Variants in GNPDA2 observed in about 807,000 individuals in gnomAD.
The protein encoded by GNPDA2 is glcN6P deaminase 2.
Under a neutral mutation model 27.0 loss-of-function variants are expected in GNPDA2, and 24 were observed. The observed-to-expected ratio is 0.89, with a 90% CI of 0.64 to 1.25. The LOEUF is 1.25. GNPDA2 is among the 50% of genes most tolerant of loss of function. GNPDA2 has a pLI of 0.00. For synonymous variants in GNPDA2, 94 were observed against 108.4 expected (o/e 0.87, Z 0.83); for missense variants, 286 against 335.1 (o/e 0.85, Z 1.14).
At position 44,702,627 on chromosome 4, in the gene GNPDA2, CA is replaced by C. The variant is rs539463910; in HGVS notation, c.*453del. The C allele has an allele frequency of 3.1e-3, 3,096 of 1,004,154 alleles. 7 individuals carry two copies. Among genetic ancestry groups the C allele is most frequent in the Non-Finnish European group, 3.5e-3 (2,938 of 843,042 alleles). 62.2% of individuals were successfully genotyped at this position (1,004,154 alleles called of 1,614,324 possible). On this transcript the variant is annotated 3_prime_UTR_variant, in exon 7 of 7. Coordinates refer to ENST00000295448, the MANE Select transcript of GNPDA2 (RefSeq NM_138335.3). ...ACTAAGGCAACCACGTGCAGAAAAG[CA>C]TGTGTGTGATGCACAGAAAATATAA...
chr4:44,703,038 A>AT lies in GNPDA2; in HGVS notation c.*42_*43insA. 3 of 1,606,006 alleles carry AT rather than the reference A, an allele frequency of 1.9e-6. No individual in the cohort carries two copies. Among genetic ancestry groups the AT allele is most frequent in the Non-Finnish European group, 2.5e-6 (3 of 1,177,562 alleles). ...TGAAAATTCATCTACTACTTAGTAAAAAGTGCTCTGTTCATTCAAGCTGAA... is the reference window on the plus strand; with the variant it reads ...TGAAAATTCATCTACTACTTAGTAAATAAGTGCTCTGTTCATTCAAGCTGAA... On this transcript the variant is annotated 3_prime_UTR_variant, in exon 7 of 7. Transcript: ENST00000295448.
chr4:44,720,008 C>T, intron 2 of GNPDA2, among the ~76,000 whole-genome samples: 1 of 151,788 alleles, frequency 6.6e-6, no homozygotes, highest in Non-Finnish European at 1.5e-5. Flanking sequence ...TATTGCAGAA[C>T]ATCAAATAAA....
chr4:44,709,613 A>C lies in GNPDA2; in HGVS notation c.594+1340T>G, dbSNP rs190551839. On this transcript the variant is annotated intron_variant, in intron 5 of 6. Coordinates refer to ENST00000295448, the MANE Select transcript of GNPDA2 (RefSeq NM_138335.3). ...ATAACACTATTTTAAAAGGTTATGA[A>C]ATAAGCTAATTTTAAAGAATAATCA... Among the ~76,000 whole-genome samples the C allele has an allele frequency of 7.1e-4, 108 of 152,228 alleles. 1 individual carries two copies. The highest frequency in any genetic ancestry group is 6.9e-3 in the Admixed American group (105 of 15,268).
intron 3 of GNPDA2, 151 bp downstream of exon 3, chr4:44,718,158 A>G (rs1204922195): frequency 1.0e-5 from 4 of 385,292 alleles, no homozygotes; most frequent in Non-Finnish European, 1.4e-5. Context: ...TCCCAATCTC[A>G]TCTGAAAGCA....
chr4:44,705,241 A>G (rs1716518531), intron 6 of GNPDA2: 4 of 980,648 alleles, frequency 4.1e-6, no homozygotes, highest in African/African-American at 1.7e-5. Flanking sequence ...TAGTAACTCA[A>G]TGGAGGTATG....
At chr4:44,718,523 TATTAGGCA>T in intron 2 of GNPDA2, 113 bp from the exon 3 acceptor site, 1 of 384,118 alleles carries the variant, frequency 2.6e-6, no homozygotes, top group Non-Finnish European at 4.8e-6. Flanking sequence ...AGTTCTGATT[TATTAGGCA>T]ATTATTAACT....
At chr4:44,721,795 A>C (rs1163129050) in intron 2 of GNPDA2, among the ~76,000 whole-genome samples, 1 of 152,132 alleles carries the variant, frequency 6.6e-6, no homozygotes, top group Non-Finnish European at 1.5e-5. Context: ...CCCCAAAACA[A>C]AGGACTACTA....
intron 4 of GNPDA2, 22 bp from the exon 5 acceptor site, chr4:44,711,159 C>T: frequency 1.4e-6 from 2 of 1,439,072 alleles, no homozygotes; most frequent in Middle Eastern, 1.9e-4. Flanking sequence ...AATATACATA[C>T]ATATACACAT....
At position 44,707,811 on chromosome 4, in the gene GNPDA2, A is replaced by G. The variant is rs1156535525; in HGVS notation, c.710T>C (p.Phe237Ser). Residue 237 changes from phenylalanine to serine, a missense_variant, in exon 6 of 7, where the codon TTT becomes TCT. By Grantham distance (155) the Phe-to-Ser change is radical (BLOSUM62 -2). Coordinates refer to ENST00000295448, the MANE Select transcript of GNPDA2 (RefSeq NM_138335.3). ...SAFQQHPRTI[F>S]VCDEDATLEL... ...TAAAGTAGCATCTTCATCGCATACA[A>G]AAATAGTCCGGGGATGCTGCTGGAA... is the stretch of plus-strand genomic sequence containing the variant. 1 of 1,613,450 alleles carries G rather than the reference A, an allele frequency of 6.2e-7. No individual in the cohort carries two copies. The highest frequency in any genetic ancestry group is 8.5e-7 in the Non-Finnish European group (1 of 1,179,626).
At position 44,702,138 on chromosome 4, in the gene GNPDA2, C is replaced by G; in HGVS notation, c.*943G>C. On this transcript the variant is annotated 3_prime_UTR_variant, in exon 7 of 7. Coordinates refer to ENST00000295448, the MANE Select transcript of GNPDA2 (RefSeq NM_138335.3). ...ATGCATGTATTCTTCAGGTTCACTT[C>G]TGGAAATTTAGATAACTTATTTATT... The G allele has an allele frequency of 2.1e-6, 2 of 945,082 alleles. No individual in the cohort carries two copies. Among genetic ancestry groups the G allele is most frequent in the Non-Finnish European group, 1.3e-6 (1 of 792,896 alleles). 58.5% of individuals were successfully genotyped at this position (945,082 alleles called of 1,614,324 possible). A position where few individuals can be genotyped will look rare whatever the true frequency, so the allele number is the denominator to read the frequency against.
intron 6 of GNPDA2, chr4:44,704,881 G>T: frequency 1.0e-6 from 1 of 983,288 alleles, no homozygotes; most frequent in Non-Finnish European, 1.2e-6. Flanking sequence ...TGATGATGAT[G>T]TCATATACTA....
At chr4:44,710,852 TAGA>T (rs1259865128) in intron 5 of GNPDA2, 98 bp downstream of exon 5, 2 of 979,626 alleles carry the variant, frequency 2.0e-6, no homozygotes, top group East Asian at 2.7e-5. Flanking sequence ...ATACTGCAAA[TAGA>T]ATGCAATCAA....
Position 44,702,971 on chromosome 4 carries a change from G to T in GNPDA2, c.*110C>A, listed in dbSNP as rs1716365130. ...AACATAGAGACTCGAATGAAAAAAT[G>T]ACAATCTTCAAAATTCCCCATGTTT... On this transcript the variant is annotated 3_prime_UTR_variant, in exon 7 of 7. Coordinates refer to ENST00000295448, the MANE Select transcript of GNPDA2 (RefSeq NM_138335.3). 6.5e-7 allele frequency: 1 copy of T among 1,546,898 alleles called. No homozygotes were observed. The highest frequency in any genetic ancestry group is 1.2e-5 in the South Asian group (1 of 80,632).
rs1345845121 is a variant in GNPDA2 at position 44,702,485 on chromosome 4, C to A, written c.*596G>T. The A allele has an allele frequency of 5.2e-5, 51 of 983,390 alleles. No homozygotes were observed. Among genetic ancestry groups the A allele is most frequent in the Admixed American group, 6.2e-5 (1 of 16,228 alleles). 60.9% of individuals were successfully genotyped at this position (983,390 alleles called of 1,614,324 possible). ...AAGGTGCACAAAAAACATGCACTTA[C>A]ACATACTTTCCAAAAGGATGTAAAC... is the stretch of plus-strand genomic sequence containing the variant. On this transcript the variant is annotated 3_prime_UTR_variant, in exon 7 of 7. Transcript: ENST00000295448.
chr4:44,705,736 G>C (rs547124953), intron 6 of GNPDA2: 1 of 152,114 alleles, frequency 6.6e-6, no homozygotes. Flanking sequence ...ATACTCCAGA[G>C]ATCAGCCTGA....
At chr4:44,722,060 A>C (rs1174810399) in intron 2 of GNPDA2, 24 bp downstream of exon 2, 1 of 1,543,520 alleles carries the variant, frequency 6.5e-7, no homozygotes, top group Non-Finnish European at 8.9e-7. Context: ...ATCAGAATAT[A>C]AAATGGAAAA....
chr4:44,710,295 C>G (rs1716892659), intron 5 of GNPDA2, among the ~76,000 whole-genome samples: 1 of 152,054 alleles, frequency 6.6e-6, no homozygotes, highest in East Asian at 1.9e-4. Flanking sequence ...CTGAACCTGT[C>G]CAATCTGGCT....
At position 44,701,900 on chromosome 4, in the gene GNPDA2, T is replaced by C; in HGVS notation, c.*1181A>G. 1.0e-6 allele frequency: 1 copy of C among 981,016 alleles called. No homozygotes were observed. The highest frequency in any genetic ancestry group is 1.2e-6 in the Non-Finnish European group (1 of 825,988). 60.8% of individuals were successfully genotyped at this position (981,016 alleles called of 1,614,324 possible). On this transcript the variant is annotated 3_prime_UTR_variant, in exon 7 of 7. Coordinates refer to ENST00000295448, the MANE Select transcript of GNPDA2 (RefSeq NM_138335.3). ...TTCATTAATTTATTTGCTATTTTAA[T>C]ATTTTAAGAAACTACATTTTAATCA...
In GNPDA2 at chr4:44,702,879, T is replaced by C; in HGVS notation, c.*202A>G. On this transcript the variant is annotated 3_prime_UTR_variant, in exon 7 of 7. Transcript: ENST00000295448. ...TACTTTATAATAAATAGCCAGTCAATCTTGAGAGCCAGCTACTTCTCTTAA... is the reference window on the plus strand; with the variant it reads ...TACTTTATAATAAATAGCCAGTCAACCTTGAGAGCCAGCTACTTCTCTTAA... 1 of 1,400,228 alleles carries C rather than the reference T, an allele frequency of 7.1e-7. No homozygotes were observed. Among genetic ancestry groups the C allele is most frequent in the Non-Finnish European group, 9.2e-7 (1 of 1,085,846 alleles). 86.7% of individuals were successfully genotyped at this position (1,400,228 alleles called of 1,614,324 possible).
Sources: gnomAD v4.1 joint callset for allele counts (sites outside exome capture counted in the v4.1 genomes callset) on GRCh38, gnomAD v4.1.1 for gene constraint, MANE v1.5 for transcripts, NCBI Gene and HGNC (gene_info 2026-07-23, HGNC 2026-07-21) for gene names.